PRKG1: variants seen among roughly 807,000 people sequenced by gnomAD.
The protein encoded by PRKG1 is cGMP-dependent protein kinase 1.
A neutral mutation model predicts 88.1 loss-of-function variants in PRKG1; 35 were observed. That is an observed-to-expected ratio of 0.40 (90% CI 0.30 to 0.53). The LOEUF (loss-of-function observed/expected upper bound fraction) is 0.53, where lower values mean the gene tolerates loss of function less well. PRKG1 is among the 20% of genes least tolerant of loss of function. The pLI is 0.59. For missense variants in PRKG1, 540 were observed against 839.8 expected (o/e 0.64, Z 4.41); for synonymous variants, 303 against 292.5 (o/e 1.04, Z -0.37).
intron 1 of PRKG1, among the ~76,000 whole-genome samples, chr10:51,041,063 C>T (rs969191858): frequency 1.2e-4 from 18 of 152,196 alleles, no homozygotes; most frequent in Admixed American, 3.3e-4. Context: ...CCACCCTTAC[C>T]CTTCCCTCAA....
intron 3 of PRKG1, among the ~76,000 whole-genome samples, chr10:51,603,242 G>A (rs12263229): frequency 0.078 from 11,888 of 152,150 alleles, 1,555 homozygotes; most frequent in African/African-American, 0.27. Context: ...TCAGGCATGA[G>A]CCACAGCATC....
intron 3 of PRKG1, among the ~76,000 whole-genome samples, chr10:51,473,843 C>G (rs1840119419): frequency 6.6e-6 from 1 of 151,658 alleles, no homozygotes; most frequent in African/African-American, 2.4e-5. Flanking sequence ...AGCTCCCACA[C>G]ATGTAAAGCT....
intron 3 of PRKG1, among the ~76,000 whole-genome samples, chr10:51,550,207 C>G (rs1837092617): frequency 6.6e-6 from 1 of 152,060 alleles, no homozygotes; most frequent in Admixed American, 6.6e-5. Flanking sequence ...ATGACCTTTC[C>G]TTAATCTCTA....
At chr10:52,044,188 C>T (rs1845813817) in intron 5 of PRKG1, among the ~76,000 whole-genome samples, 1 of 152,110 alleles carries the variant, frequency 6.6e-6, no homozygotes, top group Admixed American at 6.6e-5. Context: ...TCATCTTGCA[C>T]TGTGAGAAGT....
At chr10:51,721,724 T>C (rs1471437660) in intron 3 of PRKG1, among the ~76,000 whole-genome samples, 1 of 146,748 alleles carries the variant, frequency 6.8e-6, no homozygotes, top group Non-Finnish European at 1.5e-5. Flanking sequence ...GATATTATTA[T>C]CATAACCAGT....
intron 13 of PRKG1, 109 bp downstream of exon 13, chr10:52,281,039 A>G (rs896603347): frequency 6.1e-6 from 8 of 1,305,886 alleles, no homozygotes; most frequent in Non-Finnish European, 8.4e-6. Flanking sequence ...CAATGTTGTA[A>G]CTTTCTTAAA....
At chr10:52,081,738 G>T (rs1351616596) in intron 7 of PRKG1, 2 of 452,694 alleles carry the variant, frequency 4.4e-6, no homozygotes, top group Non-Finnish European at 4.5e-6. Flanking sequence ...GAACAAGGTG[G>T]TAGGTTGGAG....
chr10:51,684,039 C>G (rs867430771), intron 3 of PRKG1, among the ~76,000 whole-genome samples: 1 of 151,954 alleles, frequency 6.6e-6, no homozygotes, highest in Non-Finnish European at 1.5e-5. Flanking sequence ...GGTATATACC[C>G]AAGAGAAATG....
intron 4 of PRKG1, among the ~76,000 whole-genome samples, chr10:51,879,011 A>G (rs1395824913): frequency 6.6e-6 from 1 of 152,212 alleles, no homozygotes; most frequent in Non-Finnish European, 1.5e-5. Flanking sequence ...TAACTGTCCA[A>G]TAAGTCCAGG....
intron 3 of PRKG1, among the ~76,000 whole-genome samples, chr10:51,621,007 G>GTATATATATA (rs370817382): frequency 0.16 from 18,867 of 121,352 alleles, 1,663 homozygotes; most frequent in South Asian, 0.19. Flanking sequence ...GTGTATATGT[G>GTATATATATA]TGTATATATA....
At chr10:51,634,903 C>T (rs1244717092) in intron 3 of PRKG1, among the ~76,000 whole-genome samples, 3 of 151,994 alleles carry the variant, frequency 2.0e-5, no homozygotes, top group African/African-American at 7.2e-5. Context: ...TTCACATGGA[C>T]ACAAAGAAGA....
intron 1 of PRKG1, among the ~76,000 whole-genome samples, chr10:50,997,877 G>C (rs575215769): frequency 6.6e-6 from 1 of 152,302 alleles, no homozygotes; most frequent in South Asian, 2.1e-4. Flanking sequence ...ATACATATGT[G>C]TGTATATATG....
chr10:51,071,137 T>G (rs1373808055), upstream of PRKG1, among the ~76,000 whole-genome samples: 1 of 152,244 alleles, frequency 6.6e-6, no homozygotes, highest in Non-Finnish European at 1.5e-5. Context: ...ATAATTTGTC[T>G]GTTAAGACGT....
chr10:51,104,675 C>T (rs181126634), intron 1 of PRKG1, among the ~76,000 whole-genome samples: 398 of 151,224 alleles, frequency 2.6e-3, no homozygotes, highest in Non-Finnish European at 4.2e-3. Context: ...GGCGCTACCA[C>T]ACCTGGCTAA....
intron 2 of PRKG1, among the ~76,000 whole-genome samples, chr10:51,184,044 C>A (rs74133511): frequency 0.053 from 8,078 of 152,208 alleles, 400 homozygotes; most frequent in African/African-American, 0.13. Flanking sequence ...CTTTGTTATT[C>A]CTGTACAAAC....
chr10:51,879,102 C>A (rs1841373716), intron 4 of PRKG1, among the ~76,000 whole-genome samples: 1 of 151,722 alleles, frequency 6.6e-6, no homozygotes, highest in Non-Finnish European at 1.5e-5. Context: ...AGAAAGAAAC[C>A]AGCATCAACA....
At chr10:51,561,899 C>A (rs1589082553) in intron 3 of PRKG1, among the ~76,000 whole-genome samples, 3 of 151,818 alleles carry the variant, frequency 2.0e-5, no homozygotes, top group African/African-American at 7.3e-5. Context: ...ACTGGCAGGT[C>A]TATCAGGGAA....
chr10:51,496,320 A>T (rs1465764255), intron 3 of PRKG1, among the ~76,000 whole-genome samples: 1 of 152,150 alleles, frequency 6.6e-6, no homozygotes, highest in Non-Finnish European at 1.5e-5. Flanking sequence ...TTACTTAGGA[A>T]CTAAATCAGA....
intron 2 of PRKG1, among the ~76,000 whole-genome samples, chr10:51,273,793 A>G (rs533916598): frequency 1.3e-5 from 2 of 152,300 alleles, no homozygotes; most frequent in East Asian, 1.9e-4. Flanking sequence ...GTACACTTTC[A>G]TACACCACAG....
Sources: allele counts gnomAD v4.1 joint callset (sites outside exome capture counted in the v4.1 genomes callset), GRCh38; gene constraint gnomAD v4.1.1; transcripts MANE v1.5; gene names NCBI Gene and HGNC (gene_info 2026-07-23, HGNC 2026-07-21).